CELSR1: variants seen among roughly 807,000 people sequenced by gnomAD.
CELSR1 encodes the protein adhesion G protein-coupled receptor C1.
Under a neutral mutation model 249.1 loss-of-function variants are expected in CELSR1, and 110 were observed. That is an observed-to-expected ratio of 0.44 (90% CI 0.38 to 0.52). The LOEUF (loss-of-function observed/expected upper bound fraction) is 0.52, where lower values mean the gene tolerates loss of function less well. CELSR1 is among the 20% of genes least tolerant of loss of function. CELSR1 has a pLI of 0.00. For missense variants in CELSR1, 4,109 were observed against 4,296.4 expected (o/e 0.96, Z 1.22); for synonymous variants, 2,113 against 1,900.0 (o/e 1.11, Z -2.92).
rs2078928653 is a variant in CELSR1 at position 46,377,219 on chromosome 22, C to T, written c.7426G>A (p.Val2476Met). Residue 2476 changes from valine to methionine, a missense_variant, in exon 24 of 35, where the codon GTG (valine) becomes ATG (methionine). By Grantham distance (21) the Val-to-Met change is conservative (BLOSUM62 1). This residue lies in a region of CELSR1 where 1,805 missense variants were observed against 1,831.6 expected (regional missense o/e 0.99). Transcript: ENST00000674500. ...LPLKIVTYAA[V>M]SLSLAALLVA... ...AGCAGGGCTGCCAGTGACAAGGACA[C>T]AGCGGCATAGGTGACAATCTTCAGA... 2 of 1,614,022 alleles carry T rather than the reference C, an allele frequency of 1.2e-6. No individual in the cohort carries two copies. The highest frequency in any genetic ancestry group is 1.7e-6 in the Non-Finnish European group (2 of 1,180,034).
rs893896890 is a variant in CELSR1, at chr22:46,410,696, G to A, written c.4770-135C>T. 1.1e-5 allele frequency: 9 copies of A among 840,984 alleles called. No homozygotes were observed. Among genetic ancestry groups the A allele is most frequent in the Admixed American group, 7.9e-5 (3 of 37,870 alleles). 52.1% of individuals were successfully genotyped at this position (840,984 alleles called of 1,614,324 possible). ...AAACCAAGCAGACAGGCGGGGAGAG[G>A]CCAAAGTCAGAGGGGGCTCCTGTGT... On this transcript the variant is annotated intron_variant, in intron 6 of 34. Transcript: ENST00000674500. The surrounding 1 kb of genome is among the most constrained non-coding windows in gnomAD (Gnocchi z 6.8).
chr22:46,363,245 C>G lies in CELSR1; in HGVS notation c.9038G>C (p.Gly3013Ala). The change falls in exon 35 of 35, where the codon GGC becomes GCC. Residue 3013 changes from glycine (G) to alanine (A), a missense_variant and splice_region_variant. Physicochemically the swap from Gly to Ala is moderately conservative, Grantham distance 60. This residue lies in a region of CELSR1 where 1,805 missense variants were observed against 1,831.6 expected (regional missense o/e 0.99). Coordinates refer to ENST00000674500, the MANE Select transcript of CELSR1 (RefSeq NM_001378328.1). This position sits in a 1 kb window ranked among gnomAD's most constrained non-coding sequence, Gnocchi z 4.3. ...GGTTCAAATTGAAGTTTCATTACTG[C>G]CTCTGCGCGTGGGAAGAAGCCAGCA... The part of the protein sequence containing the change: ...SAQADGSDSE[G>A]SNETSI The G allele has an allele frequency of 6.2e-7, 1 of 1,611,882 alleles. No individual in the cohort carries two copies. The highest frequency in any genetic ancestry group is 8.5e-7 in the Non-Finnish European group (1 of 1,179,196).
intron 20 of CELSR1, 25 bp from the exon 21 acceptor site, chr22:46,382,075 A>C: frequency 6.7e-7 from 1 of 1,489,436 alleles, no homozygotes. Context: ...GAAGGTGAGG[A>C]CTCTGGCAGG....
intron 17 of CELSR1, 140 bp from the exon 18 acceptor site, chr22:46,389,639 G>A: frequency 1.1e-6 from 1 of 933,566 alleles, no homozygotes; most frequent in Non-Finnish European, 1.6e-6. Flanking sequence ...AGCCTGGCTG[G>A]GCATGGTGGC....
At chr22:46,444,957 G>A (rs2079801427) in intron 2 of CELSR1, among the ~76,000 whole-genome samples, 1 of 152,208 alleles carries the variant, frequency 6.6e-6, no homozygotes, top group African/African-American at 2.4e-5. Context: ...TGTAATCCCA[G>A]CACTTTGGGA....
rs1160937318 is a variant in CELSR1 at position 46,527,624 on chromosome 22, T to C, written c.3544+6003A>G. ...CCCGGCTTTCGCACACAGCAGGTGC[T>C]CAATAAACAAACCAACACTCCTTAT... On this transcript the variant is annotated intron_variant, in intron 1 of 34. Transcript: ENST00000674500. This position sits in a 1 kb window ranked among gnomAD's most constrained non-coding sequence, Gnocchi z 5.5. Among the ~76,000 whole-genome samples, 1 of 152,118 alleles carries C rather than the reference T, an allele frequency of 6.6e-6. No individual in the cohort carries two copies. Among genetic ancestry groups the C allele is most frequent in the Non-Finnish European group, 1.5e-5 (1 of 68,028 alleles).
At chr22:46,525,713 C>T (rs2080732008) in intron 1 of CELSR1, among the ~76,000 whole-genome samples, 1 of 152,254 alleles carries the variant, frequency 6.6e-6, no homozygotes, top group Admixed American at 6.5e-5. Flanking sequence ...TGGCACCGGG[C>T]CACAGGCCAC....
In CELSR1 at chr22:46,367,844, C is replaced by T; in HGVS notation, c.7964G>A (p.Arg2655Lys). ...GAGCAGCAGCAGGAGGAATGCGGTC[C>T]TCAGCAGGGAGCTGCGGGAGGGCAG... ...YGKKGIVSLL[R>K]TAFLLLLLIS... is the part of the protein sequence containing the mutation. The change falls in exon 28 of 35, where the codon AGG becomes AAG. Residue 2655 changes from arginine to lysine, a missense_variant. Physicochemically the swap from Arg to Lys is conservative, Grantham distance 26 (BLOSUM62 2). This residue lies in a region of CELSR1 where 1,805 missense variants were observed against 1,831.6 expected (regional missense o/e 0.99). Coordinates refer to ENST00000674500, the MANE Select transcript of CELSR1 (RefSeq NM_001378328.1). The T allele has an allele frequency of 6.2e-7, 1 of 1,610,564 alleles. No individual in the cohort carries two copies. The highest frequency in any genetic ancestry group is 1.9e-4 in the Middle Eastern group (1 of 5,394).
chr22:46,373,740 A>AGCAATGAGAGCAATG, intron 24 of CELSR1, among the ~76,000 whole-genome samples: 1 of 138,782 alleles, frequency 7.2e-6, no homozygotes, highest in African/African-American at 3.2e-5. Flanking sequence ...TGGGAGCAAT[A>AGCAATGAGAGCAATG]GGAGCAATGG....
At position 46,401,665 on chromosome 22, in the gene CELSR1, CAT is replaced by C. The variant is rs1421040375; in HGVS notation, c.5227-1765_5227-1764del. Among the ~76,000 whole-genome samples the C allele has an allele frequency of 6.6e-6, 1 of 152,206 alleles. No homozygotes were observed. Among genetic ancestry groups the C allele is most frequent in the Non-Finnish European group, 1.5e-5 (1 of 68,038 alleles). On this transcript the variant is annotated intron_variant, in intron 9 of 34. Transcript: ENST00000674500. This position sits in a 1 kb window ranked among gnomAD's most constrained non-coding sequence, Gnocchi z 4.7. ...AAGATGCCTAAAAGCTTTCTAGGTT[CAT>C]GGGGCTGGAGGATTAAAAACTGGGG... is the stretch of plus-strand genomic sequence containing the variant.
intron 4 of CELSR1, among the ~76,000 whole-genome samples, chr22:46,435,908 T>C (rs1161988343): frequency 2.6e-5 from 4 of 151,088 alleles, no homozygotes; most frequent in African/African-American, 9.7e-5. Flanking sequence ...ACCATGTTGG[T>C]CAGGCTGGTC....
Position 46,384,589 on chromosome 22 carries a change from G to C in CELSR1, c.6837C>G (p.Ser2279=). The C allele has an allele frequency of 6.2e-7, 1 of 1,613,658 alleles. No homozygotes were observed. The highest frequency in any genetic ancestry group is 1.1e-5 in the South Asian group (1 of 90,914). ...AGAAGTCGGCTGGGAAGGAGACGGA[G>C]GACTCCAGCTCCCTGGGGAACTCTT... ...IHEEFPRELE[S]SVSFPADFFR... The change falls in exon 20 of 35, where the codon TCC becomes TCG. Residue 2279 remains serine (S), a synonymous_variant. Coordinates refer to ENST00000674500, the MANE Select transcript of CELSR1 (RefSeq NM_001378328.1).
In CELSR1 at chr22:46,436,106, G is replaced by C; in HGVS notation, c.4522+68C>G. 1 of 1,238,806 alleles carries C rather than the reference G, an allele frequency of 8.1e-7. No individual in the cohort carries two copies. Among genetic ancestry groups the C allele is most frequent in the African/African-American group, 1.5e-5 (1 of 67,996 alleles). 76.7% of individuals were successfully genotyped at this position (1,238,806 alleles called of 1,614,324 possible). ...AGCTTGGAGGCGCTGCACAGGGCGA[G>C]GGTCGTTTTAACCCACAAAGTATCT... On this transcript the variant is annotated intron_variant, in intron 4 of 34. Coordinates refer to ENST00000674500, the MANE Select transcript of CELSR1 (RefSeq NM_001378328.1). The surrounding 1 kb of genome is among the most constrained non-coding windows in gnomAD (Gnocchi z 5.9).
chr22:46,513,814 C>A (rs6008885), intron 1 of CELSR1, among the ~76,000 whole-genome samples: 1 of 151,922 alleles, frequency 6.6e-6, no homozygotes, highest in Admixed American at 6.6e-5. Flanking sequence ...TGTTTTGAGA[C>A]GGAGTCTTGC....
chr22:46,481,208 C>T, intron 1 of CELSR1: 1 of 279,948 alleles, frequency 3.6e-6, no homozygotes, highest in Non-Finnish European at 6.9e-6. Flanking sequence ...GCACTCCAGC[C>T]TTCCAGCCTG....
Position 46,365,117 on chromosome 22 carries a change from T to C in CELSR1, c.8554+114A>G, listed in dbSNP as rs560283789. The C allele has an allele frequency of 3.9e-4, 539 of 1,384,042 alleles. 7 individuals are homozygous for C. The South Asian group carries it at 7.0e-3, about 18-fold the overall frequency. 85.7% of individuals were successfully genotyped at this position (1,384,042 alleles called of 1,614,324 possible). On this transcript the variant is annotated intron_variant, in intron 32 of 34. Transcript: ENST00000674500. ...CCCCACCCCAGGCTGTCCTTTCATG[T>C]GGCTGCAGTGCTGCTGGGCATATCC...
chr22:46,458,505 C>G (rs1336304317), intron 2 of CELSR1, among the ~76,000 whole-genome samples: 3 of 152,208 alleles, frequency 2.0e-5, no homozygotes. Context: ...TAGGTCATGG[C>G]AAGAGGCTGA....
chr22:46,470,523 T>C (rs975684938), intron 1 of CELSR1, among the ~76,000 whole-genome samples: 8 of 152,044 alleles, frequency 5.3e-5, no homozygotes, highest in African/African-American at 1.9e-4. Flanking sequence ...AGACAGAAAA[T>C]AGCATTAAAT....
At position 46,411,896 on chromosome 22, in the gene CELSR1, C is replaced by G; in HGVS notation, c.4612-137G>C. The G allele has an allele frequency of 4.7e-6, 5 of 1,052,808 alleles. No individual in the cohort carries two copies. The highest frequency in any genetic ancestry group is 7.0e-6 in the Non-Finnish European group (5 of 714,338). 65.2% of individuals were successfully genotyped at this position (1,052,808 alleles called of 1,614,324 possible). ...TAGACAAGGGATGAGGAGCCCCCGG[C>G]CTTTAGTTCCCCAAACTAGCTGTGC... On this transcript the variant is annotated intron_variant, in intron 5 of 34. Transcript: ENST00000674500. The surrounding 1 kb of genome is among the most constrained non-coding windows in gnomAD (Gnocchi z 4.2).
Sources: allele counts gnomAD v4.1 joint callset (sites outside exome capture counted in the v4.1 genomes callset), GRCh38; gene constraint gnomAD v4.1.1; regional missense constraint gnomAD v4.1.1; non-coding constraint Gnocchi (gnomAD v3.1); transcripts MANE v1.5; gene names NCBI Gene and HGNC (gene_info 2026-07-23, HGNC 2026-07-21).